The following DST variants were observed in gnomAD, a reference collection of about 807,000 sequenced individuals.
The protein encoded by DST is dystonin.
DST carries 253 observed loss-of-function variants against 875.2 expected under a neutral mutation model. That is an observed-to-expected ratio of 0.29 (90% CI 0.26 to 0.32). The LOEUF (loss-of-function observed/expected upper bound fraction) is 0.32. Ranked by LOEUF, DST falls within the 10% of genes least tolerant of loss-of-function variation. The probability of loss-of-function intolerance (pLI) is 1.00; values close to 1 mark genes in which losing one functional copy is unlikely to be tolerated. For synonymous variants in DST, 3,124 were observed against 3,197.1 expected, an observed-to-expected ratio of 0.98 and a Z score of 0.77; for missense variants, 8,287 against 9,111.6, an observed-to-expected ratio of 0.91 and a Z score of 3.68.
rs1052029722 is a variant in DST, at chr6:56,954,830, C to A, written c.-243G>T. ...AGCAGACAGCGACGAGGCTGCGACT[C>A]GGCGGCTGGGATCCTCTCCCCTCCC... is the stretch of plus-strand genomic sequence containing the variant. On this transcript the variant is annotated 5_prime_UTR_variant, in exon 1 of 104. Transcript: ENST00000680361. Among the ~76,000 whole-genome samples, 11 of 149,546 alleles carry A rather than the reference C, an allele frequency of 7.4e-5. No individual in the cohort carries two copies. Among genetic ancestry groups the A allele is most frequent in the African/African-American group, 1.7e-4 (7 of 41,178 alleles).
At chr6:56,504,359 A>G (rs1338870330) in intron 77 of DST, among the ~76,000 whole-genome samples, 1 of 152,112 alleles carries the variant, frequency 6.6e-6, no homozygotes, top group Non-Finnish European at 1.5e-5. Flanking sequence ...ATGAACTTCT[A>G]AAAAAATCAT....
chr6:56,934,116 C>T (rs979886955), intron 2 of DST, among the ~76,000 whole-genome samples: 4 of 152,114 alleles, frequency 2.6e-5, no homozygotes, highest in Non-Finnish European at 5.9e-5. Context: ...ATCTTCCCAT[C>T]TCAGCCTCCT....
intron 9 of DST, among the ~76,000 whole-genome samples, chr6:56,694,479 T>A (rs1414727140): frequency 6.6e-6 from 1 of 152,186 alleles, no homozygotes; most frequent in Non-Finnish European, 1.5e-5. Context: ...AAACTGAACA[T>A]CCCAGAAGAG....
At chr6:56,686,032 G>C (rs1033706655) in intron 9 of DST, among the ~76,000 whole-genome samples, 11 of 152,132 alleles carry the variant, frequency 7.2e-5, no homozygotes, top group African/African-American at 2.7e-4. Flanking sequence ...CAAAGACATG[G>C]GAATCAACCT....
At chr6:56,542,225 CTT>C (rs796255655) in intron 61 of DST, among the ~76,000 whole-genome samples, 6 of 143,982 alleles carry the variant, frequency 4.2e-5, no homozygotes, top group Admixed American at 6.9e-5. Context: ...TTTTCTTTTA[CTT>C]TTTTTTTTTG....
chr6:56,937,529 GA>G (rs1449095097), intron 2 of DST, among the ~76,000 whole-genome samples: 51 of 152,256 alleles, frequency 3.3e-4, no homozygotes, highest in African/African-American at 1.2e-3. Flanking sequence ...AGGATGTCAA[GA>G]TACTGGACCC....
chr6:56,792,982 C>T (rs1054056345), intron 4 of DST, among the ~76,000 whole-genome samples: 1 of 144,198 alleles, frequency 6.9e-6, no homozygotes, highest in Non-Finnish European at 1.5e-5. Flanking sequence ...AAGGGAGACT[C>T]GCTTGAGCCC....
At chr6:56,534,625 C>T (rs1007348444) in intron 63 of DST, among the ~76,000 whole-genome samples, 12 of 152,132 alleles carry the variant, frequency 7.9e-5, no homozygotes, top group African/African-American at 2.7e-4. Flanking sequence ...AGGGATCAAC[C>T]TAATATATAA....
At chr6:56,632,069 C>A (rs759021753) in intron 28 of DST, 29 bp from the exon 29 acceptor site, 2 of 1,562,090 alleles carry the variant, frequency 1.3e-6, no homozygotes, top group Non-Finnish European at 1.8e-6. Flanking sequence ...TTAGAAAATA[C>A]CTTGTTTTCT....
intron 5 of DST, among the ~76,000 whole-genome samples, chr6:56,723,958 T>G (rs1489847603): frequency 6.6e-6 from 1 of 152,226 alleles, no homozygotes; most frequent in African/African-American, 2.4e-5. Context: ...GAACCTGATT[T>G]GAAAACTGCT....
chr6:56,509,940 GA>G (rs1458193462), intron 73 of DST, 67 bp from the exon 74 acceptor site: 1 of 1,238,140 alleles, frequency 8.1e-7, no homozygotes, highest in Non-Finnish European at 1.1e-6. Flanking sequence ...AAATTTAAAT[GA>G]AAAAACATTT....
Position 56,592,196 on chromosome 6 carries a change from A to T in DST, c.12889T>A (p.Leu4297Ile), listed in dbSNP as rs1416260745. ...TCGCTTTTTACCTTGGTCTCTTCTA[A>T]TTGCCTTTGAAGATTTTTGGGGTCC... ...AVDPKNLQRQ[L>I]EETKALQGQI... The change falls in exon 49 of 104, where the codon TTA becomes ATA. Residue 4297 changes from leucine (L) to isoleucine (I), a missense_variant. Leu to Ile is a conservative substitution (Grantham distance 5). This residue lies in a region of DST where 1,513 missense variants were observed against 1,677.8 expected (regional missense o/e 0.90). Coordinates refer to ENST00000680361, the MANE Select transcript of DST (RefSeq NM_001374736.1). The T allele has an allele frequency of 6.2e-7, 1 of 1,613,426 alleles. No homozygotes were observed. Among genetic ancestry groups the T allele is most frequent in the Non-Finnish European group, 8.5e-7 (1 of 1,179,710 alleles).
At chr6:56,823,301 TA>T (rs2099775339) in intron 4 of DST, among the ~76,000 whole-genome samples, 1 of 152,246 alleles carries the variant, frequency 6.6e-6, no homozygotes, top group Non-Finnish European at 1.5e-5. Flanking sequence ...TACTTTTATC[TA>T]AATTGCATCT....
At position 56,787,840 on chromosome 6, in the gene DST, T is replaced by A. The variant is rs1590366934; in HGVS notation, c.626-52551A>T. 2.0e-5 allele frequency among the ~76,000 whole-genome samples: 3 copies of A among 152,226 alleles called. No homozygotes were observed. In the South Asian group the frequency reaches 6.2e-4, roughly 32 times the overall value. Reference sequence around the variant, plus strand: ...CAACTTTATGAAGCATATATTCTCTTCAAAATCAGACTTTGAGGCTGGGTG... The same window carrying A: ...CAACTTTATGAAGCATATATTCTCTACAAAATCAGACTTTGAGGCTGGGTG... On this transcript the variant is annotated intron_variant, in intron 4 of 103. Coordinates refer to ENST00000680361, the MANE Select transcript of DST (RefSeq NM_001374736.1).
At chr6:56,491,841 C>T (rs1429740453) in intron 85 of DST, among the ~76,000 whole-genome samples, 1 of 151,960 alleles carries the variant, frequency 6.6e-6, no homozygotes, top group Non-Finnish European at 1.5e-5. Context: ...AGGAACTAAA[C>T]AAAAGGTAGC....
intron 4 of DST, among the ~76,000 whole-genome samples, chr6:56,781,205 C>T (rs536304621): frequency 9.9e-5 from 15 of 151,798 alleles, no homozygotes; most frequent in South Asian, 4.2e-4. Context: ...CTTGGTGATG[C>T]GGGCTTTTTG....
At position 56,632,968 on chromosome 6, in the gene DST, G is replaced by T; in HGVS notation, c.3691C>A (p.Leu1231Met). The change falls in exon 28 of 104, where the codon CTG becomes ATG. Residue 1231 changes from leucine (L) to methionine (M), a missense_variant. By Grantham distance (15) the Leu-to-Met change is conservative. Coordinates refer to ENST00000680361, the MANE Select transcript of DST (RefSeq NM_001374736.1). ...SNLQSRFEDFLEDSQESQVFS... is the reference protein window; with the variant it reads ...SNLQSRFEDFMEDSQESQVFS... ...ACTTGGGATTCCTGGCTATCTTCCA[G>T]AAAATCTTCAAAACGAGATTGTAGA... 6.2e-7 allele frequency: 1 copy of T among 1,613,934 alleles called. No individual in the cohort carries two copies. The highest frequency in any genetic ancestry group is 1.3e-5 in the African/African-American group (1 of 75,016).
intron 9 of DST, among the ~76,000 whole-genome samples, chr6:56,694,002 C>T (rs1260120179): frequency 6.7e-6 from 1 of 149,846 alleles, no homozygotes; most frequent in Non-Finnish European, 1.5e-5. Flanking sequence ...TAATTTAAAG[C>T]ATGAAAGATT....
intron 3 of DST, among the ~76,000 whole-genome samples, chr6:56,877,726 A>G (rs944869907): frequency 3.3e-5 from 5 of 152,366 alleles, no homozygotes; most frequent in Admixed American, 2.6e-4. Flanking sequence ...GGAACAACAC[A>G]ATAAATGCCA....
Sources: gnomAD v4.1 joint callset for allele counts (sites outside exome capture counted in the v4.1 genomes callset) on GRCh38, gnomAD v4.1.1 for gene constraint, gnomAD v4.1.1 regional missense constraint, MANE v1.5 for transcripts, NCBI Gene and HGNC (gene_info 2026-07-23, HGNC 2026-07-21) for gene names.